Variants in BRCA2 observed in about 807,000 individuals in gnomAD.
BRCA2 encodes BRCA2 DNA repair associated.
Under a neutral mutation model 276.7 loss-of-function variants are expected in BRCA2, and 203 were observed. That is an observed-to-expected ratio of 0.73 (90% CI 0.65 to 0.82). The LOEUF (loss-of-function observed/expected upper bound fraction) is 0.82, where lower values mean the gene tolerates loss of function less well. BRCA2 is among the 40% of genes least tolerant of loss of function. The probability of loss-of-function intolerance (pLI) is 0.00; values close to 1 mark genes in which losing one functional copy is unlikely to be tolerated. For missense variants in BRCA2, 3,920 were observed against 3,915.0 expected (o/e 1.00, Z -0.03); for synonymous variants, 1,289 against 1,338.4 (o/e 0.96, Z 0.81).
Position 32,339,896 on chromosome 13 carries a change from CA to C in BRCA2, c.5542del (p.Ser1848ValfsTer15), listed in dbSNP as rs80359519. On this transcript the variant is annotated frameshift_variant, in exon 11 of 27. Transcript: ENST00000380152. LOFTEE classifies it high-confidence loss of function. ...EVGPPAFRIA[S>X]GKIVCVSHET... ...TAGGGCCACCTGCATTTAGGATAGC[CA>C]GTGGTAAAATCGTTTGTGTTTCACA... is the stretch of plus-strand genomic sequence containing the variant. 6.2e-7 allele frequency: 1 copy of C among 1,609,632 alleles called. No homozygotes were observed. Among genetic ancestry groups the C allele is most frequent in the Admixed American group, 1.7e-5 (1 of 59,556 alleles).
rs81002839 is a variant in BRCA2, at chr13:32,326,483, T to A, written c.517-16T>A. On this transcript the variant is annotated splice_polypyrimidine_tract_variant and intron_variant, in intron 6 of 26. Coordinates refer to ENST00000380152, the MANE Select transcript of BRCA2 (RefSeq NM_000059.4). ...GGGCATTTCTATAAAAAATAAACTA[T>A]TTTCTTTCCTCCCAGGGTCGTCAGA... 6.4e-7 allele frequency: 1 copy of A among 1,569,408 alleles called. No individual in the cohort carries two copies.
chr13:32,320,496 A>G (rs941189936), intron 3 of BRCA2, among the ~76,000 whole-genome samples: 1 of 152,058 alleles, frequency 6.6e-6, no homozygotes, highest in Non-Finnish European at 1.5e-5. Context: ...TGTTACCTCT[A>G]CCCACAACCT....
chr13:32,332,373 GTTGT>G lies in BRCA2; in HGVS notation c.896_899del (p.Val299GlufsTer24). The G allele has an allele frequency of 1.9e-6, 3 of 1,595,342 alleles. No homozygotes were observed. Among genetic ancestry groups the G allele is most frequent in the Non-Finnish European group, 2.6e-6 (3 of 1,170,344 alleles). On this transcript the variant is annotated frameshift_variant, in exon 10 of 27. Transcript: ENST00000380152. LOFTEE classifies it high-confidence loss of function. ...CCTAGAAGATGAAGTATATGAAACA[GTTGT>G]AGATACCTCTGAAGAAGATAGTTTT...
At chr13:32,348,593 C>G (rs1437505460) in intron 13 of BRCA2, among the ~76,000 whole-genome samples, 2 of 152,088 alleles carry the variant, frequency 1.3e-5, no homozygotes, top group East Asian at 3.9e-4. Context: ...AACCTAGAAT[C>G]TGAATTAAGT....
intron 20 of BRCA2, among the ~76,000 whole-genome samples, chr13:32,375,111 A>G (rs1181067056): frequency 6.6e-6 from 1 of 152,178 alleles, no homozygotes; most frequent in African/African-American, 2.4e-5. Context: ...CTCCCTCACT[A>G]TCATGGAACA....
chr13:32,320,491 C>T (rs2072299380), intron 3 of BRCA2, among the ~76,000 whole-genome samples: 1 of 152,180 alleles, frequency 6.6e-6, no homozygotes, highest in Non-Finnish European at 1.5e-5. Flanking sequence ...CATATTGTTA[C>T]CTCTACCCAC....
intron 25 of BRCA2, among the ~76,000 whole-genome samples, chr13:32,396,434 C>G (rs762079987): frequency 1.3e-5 from 2 of 152,204 alleles, no homozygotes; most frequent in Non-Finnish European, 2.9e-5. Flanking sequence ...GCAACAGTTT[C>G]ATGTAGTTTA....
chr13:32,339,447 T>G lies in BRCA2; in HGVS notation c.5092T>G (p.Phe1698Val). The change falls in exon 11 of 27, where the codon TTT (phenylalanine) becomes GTT (valine). Residue 1698 changes from phenylalanine (F) to valine (V), a missense_variant. Physicochemically the swap from Phe to Val is conservative, Grantham distance 50 (BLOSUM62 -1). Around this residue, in one of 2 missense-constraint regions of BRCA2, gnomAD observed 3,263 missense variants for 3,156.9 expected, o/e 1.03. Transcript: ENST00000380152. ...EAKKWLREGI[F>V]DGQPERINTA... is the part of the protein sequence containing the mutation. ...AAAAAAATGGCTTAGAGAAGGAATA[T>G]TTGATGGTCAACCAGAAAGAATAAA... The G allele has an allele frequency of 6.3e-7, 1 of 1,588,054 alleles. No individual in the cohort carries two copies. Among genetic ancestry groups the G allele is most frequent in the Non-Finnish European group, 8.6e-7 (1 of 1,169,160 alleles).
Position 32,398,769 on chromosome 13 carries a change from A to G in BRCA2, c.10256A>G (p.Ter3419=), listed in dbSNP as rs2137668170. ...ACAATTACAACTAAAAAATATATCT[A>G]AGCATTTGCAAAGGCGACAATAAAT... The part of the protein sequence containing the change: ...QDTITTKKYI[*] Residue 3419 remains the stop codon, a stop_retained_variant, in exon 27 of 27, where the codon TAA becomes TGA. Transcript: ENST00000380152. 1 of 1,613,600 alleles carries G rather than the reference A, an allele frequency of 6.2e-7. No homozygotes were observed. Among genetic ancestry groups the G allele is most frequent in the East Asian group, 2.2e-5 (1 of 44,872 alleles).
intron 18 of BRCA2, among the ~76,000 whole-genome samples, chr13:32,365,620 C>T (rs2072776234): frequency 6.6e-6 from 1 of 151,992 alleles, no homozygotes; most frequent in African/African-American, 2.4e-5. Flanking sequence ...TCAGGTGATC[C>T]ACCTGCCTCA....
Position 32,338,444 on chromosome 13 carries a change from C to G in BRCA2, c.4089C>G (p.Asn1363Lys). The G allele has an allele frequency of 6.2e-7, 1 of 1,611,814 alleles. No individual in the cohort carries two copies. The change falls in exon 11 of 27, where the codon AAC (asparagine) becomes AAG (lysine). Residue 1363 changes from asparagine to lysine, a missense_variant. This residue lies in a region of BRCA2 where 3,263 missense variants were observed against 3,156.9 expected (regional missense o/e 1.03). Transcript: ENST00000380152. ...ACTTGCTATTTACTGATCAGCACAA[C>G]ATATGTCTTAAATTATCTGGCCAGT... ...ETDLLFTDQH[N>K]ICLKLSGQFM...
chr13:32,336,154 T>C, intron 10 of BRCA2, 111 bp from the exon 11 acceptor site: 1 of 1,240,710 alleles, frequency 8.1e-7, no homozygotes, highest in Non-Finnish European at 1.1e-6. Flanking sequence ...GTGCTGAGAT[T>C]ACAGGCATGA....
At chr13:32,341,592 T>A (rs1467866789) in intron 11 of BRCA2, among the ~76,000 whole-genome samples, 1 of 152,196 alleles carries the variant, frequency 6.6e-6, no homozygotes, top group Admixed American at 6.5e-5. Flanking sequence ...AAGTTCAGAC[T>A]CTGACTTATA....
At position 32,341,261 on chromosome 13, in the gene BRCA2, T is replaced by C; in HGVS notation, c.6841+65T>C. On this transcript the variant is annotated intron_variant, in intron 11 of 26. Coordinates refer to ENST00000380152, the MANE Select transcript of BRCA2 (RefSeq NM_000059.4). ...TTTTTAAAGTGTTTATTCAGTAGAC[T>C]TGGTATGCTAACAATTAAGAGTGTT... 3.8e-6 allele frequency: 6 copies of C among 1,594,192 alleles called. No homozygotes were observed. In the South Asian group the frequency reaches 6.7e-5, roughly 18 times the overall value.
intron 7 of BRCA2, among the ~76,000 whole-genome samples, chr13:32,328,292 AG>A (rs2137456248): frequency 6.9e-6 from 1 of 145,796 alleles, no homozygotes; most frequent in East Asian, 2.0e-4. Context: ...CCCAGGCTGG[AG>A]TACAGTGGCA....
intron 24 of BRCA2, among the ~76,000 whole-genome samples, chr13:32,386,827 G>A (rs768059139): frequency 5.3e-4 from 80 of 152,212 alleles, no homozygotes; most frequent in Non-Finnish European, 3.2e-4. Flanking sequence ...AGTGAGTAAC[G>A]CCGTGTATTT....
Position 32,339,678 on chromosome 13 carries a change from G to C in BRCA2, c.5323G>C (p.Val1775Leu), listed in dbSNP as rs1555284171. ...TAAACTTGATTCTGGTATTGAGCCA[G>C]TATTGAAGAATGTTGAAGATCAAAA... Reference protein sequence around the residue: ...KNKLDSGIEPVLKNVEDQKNT... With the variant: ...KNKLDSGIEPLLKNVEDQKNT... The change falls in exon 11 of 27, where the codon GTA becomes CTA. Residue 1775 changes from valine to leucine, a missense_variant. Coordinates refer to ENST00000380152, the MANE Select transcript of BRCA2 (RefSeq NM_000059.4). The C allele has an allele frequency of 6.2e-7, 1 of 1,612,414 alleles. No individual in the cohort carries two copies. Among genetic ancestry groups the C allele is most frequent in the Non-Finnish European group, 8.5e-7 (1 of 1,178,638 alleles).
intron 3 of BRCA2, 101 bp downstream of exon 3, chr13:32,319,426 G>T (rs1419340707): frequency 2.5e-6 from 3 of 1,212,760 alleles, no homozygotes; most frequent in Non-Finnish European, 2.4e-6. Flanking sequence ...GTCATGCTGG[G>T]CAAATCAGTC....
rs2138703935 is a variant in BRCA2 at position 32,319,122 on chromosome 13, A to T, written c.113A>T (p.Glu38Val). 1 of 1,613,672 alleles carries T rather than the reference A, an allele frequency of 6.2e-7. No homozygotes were observed. Among genetic ancestry groups the T allele is most frequent in the Non-Finnish European group, 8.5e-7 (1 of 1,179,596 alleles). Residue 38 changes from glutamate (E) to valine (V), a missense_variant, in exon 3 of 27, where the codon GAA becomes GTA. This residue lies in a region of BRCA2 where 3,263 missense variants were observed against 3,156.9 expected (regional missense o/e 1.03). Coordinates refer to ENST00000380152, the MANE Select transcript of BRCA2 (RefSeq NM_000059.4). Reference protein sequence around the residue: ...SLNWFEELSSEAPPYNSEPAE... With the variant: ...SLNWFEELSSVAPPYNSEPAE... ...AATTGGTTTGAAGAACTTTCTTCAG[A>T]AGCTCCACCCTATAATTCTGAACCT...
Sources: allele counts gnomAD v4.1 joint callset (sites outside exome capture counted in the v4.1 genomes callset), GRCh38; gene constraint gnomAD v4.1.1; regional missense constraint gnomAD v4.1.1; transcripts MANE v1.5; gene names NCBI Gene and HGNC (gene_info 2026-07-23, HGNC 2026-07-21).